Variants in THSD7B observed in about 807,000 individuals in gnomAD.
THSD7B encodes thrombospondin type 1 domain containing 7B.
A neutral mutation model predicts 213.6 loss-of-function variants in THSD7B; 138 were observed. That is an observed-to-expected ratio of 0.65 (90% CI 0.56 to 0.74). The LOEUF is 0.74. Among genes scored for constraint, THSD7B ranks in the 30% least tolerant of loss-of-function variants. The pLI, the probability that THSD7B is intolerant of heterozygous loss-of-function variation, is 0.00. For missense variants in THSD7B, 1,931 were observed against 1,991.5 expected (o/e 0.97, Z 0.58); for synonymous variants, 742 against 687.0 (o/e 1.08, Z -1.25).
intron 2 of THSD7B, among the ~76,000 whole-genome samples, chr2:136,939,228 C>T (rs1196708968): frequency 6.6e-6 from 1 of 152,116 alleles, no homozygotes; most frequent in African/African-American, 2.4e-5. Context: ...AACCAATCAT[C>T]ATGTGAATTT....
chr2:137,233,142 T>C lies in THSD7B; in HGVS notation c.2150+9T>C. On this transcript the variant is annotated intron_variant, in intron 9 of 27. Coordinates refer to ENST00000409968, the MANE Select transcript of THSD7B (RefSeq NM_001316349.2). ...CAAGTAATGACCAAAAGGTATTTAT[T>C]AGGCTGTTACTGAAAATGCATTTGC... is the stretch of plus-strand genomic sequence containing the variant. 6.2e-7 allele frequency: 1 copy of C among 1,605,696 alleles called. No homozygotes were observed. The highest frequency in any genetic ancestry group is 1.1e-5 in the South Asian group (1 of 90,016).
chr2:137,511,171 A>T (rs938813796), intron 15 of THSD7B, among the ~76,000 whole-genome samples: 2 of 151,912 alleles, frequency 1.3e-5, no homozygotes, highest in Admixed American at 1.3e-4. Flanking sequence ...TTTGATCTTT[A>T]TCTGTATTTT....
intron 2 of THSD7B, among the ~76,000 whole-genome samples, chr2:136,952,889 A>G (rs1163903146): frequency 1.3e-5 from 2 of 152,194 alleles, no homozygotes; most frequent in African/African-American, 2.4e-5. Flanking sequence ...GATATTTGCC[A>G]TTAATGGGAA....
chr2:137,313,354 T>G (rs1191412397), intron 12 of THSD7B, among the ~76,000 whole-genome samples: 3 of 152,158 alleles, frequency 2.0e-5, no homozygotes, highest in Non-Finnish European at 1.5e-5. Context: ...GTTTTCCATT[T>G]GCTTGGTAGA....
intron 1 of THSD7B, among the ~76,000 whole-genome samples, chr2:136,817,484 T>TTA (rs1222431179): frequency 2.0e-5 from 3 of 151,678 alleles, no homozygotes; most frequent in African/African-American, 7.3e-5. Context: ...TCTAGGGTTT[T>TTA]TATAGTTTTA....
At chr2:137,321,460 C>G (rs1684263930) in intron 12 of THSD7B, among the ~76,000 whole-genome samples, 1 of 152,174 alleles carries the variant, frequency 6.6e-6, no homozygotes, top group South Asian at 2.1e-4. Flanking sequence ...AATGAGTTGA[C>G]ATATTCTTAT....
At chr2:137,618,576 G>T in intron 19 of THSD7B, 69 bp downstream of exon 19, 2 of 1,372,052 alleles carry the variant, frequency 1.5e-6, no homozygotes, top group South Asian at 2.5e-5. Flanking sequence ...GCAGTTCCAT[G>T]ATGTCCAATA....
intron 2 of THSD7B, among the ~76,000 whole-genome samples, chr2:136,994,492 G>A (rs1183259968): frequency 1.1e-4 from 17 of 152,114 alleles, no homozygotes; most frequent in African/African-American, 1.9e-4. Flanking sequence ...GCATGAACCC[G>A]GGAGGCGGAG....
chr2:137,111,141 T>G (rs995242794), intron 4 of THSD7B, among the ~76,000 whole-genome samples: 1 of 152,248 alleles, frequency 6.6e-6, no homozygotes, highest in Non-Finnish European at 1.5e-5. Context: ...CACAGGGCTC[T>G]CATTATAAAA....
intron 15 of THSD7B, among the ~76,000 whole-genome samples, chr2:137,456,979 T>C (rs1238606834): frequency 6.6e-6 from 1 of 152,186 alleles, no homozygotes; most frequent in African/African-American, 2.4e-5. Flanking sequence ...TGCTCTCAAG[T>C]TGTGGCATTG....
At chr2:137,069,339 T>C (rs1030831284) in intron 3 of THSD7B, among the ~76,000 whole-genome samples, 52 of 152,074 alleles carry the variant, frequency 3.4e-4, no homozygotes, top group African/African-American at 1.2e-3. Flanking sequence ...TCCTTTTTAT[T>C]TTTTTGGAGT....
At chr2:136,792,874 C>A (rs1300968541) in intron 1 of THSD7B, among the ~76,000 whole-genome samples, 1 of 151,904 alleles carries the variant, frequency 6.6e-6, no homozygotes, top group Non-Finnish European at 1.5e-5. Context: ...TTTCTCTTAC[C>A]AGGATGTTTT....
intron 2 of THSD7B, among the ~76,000 whole-genome samples, chr2:137,000,324 C>T (rs565040896): frequency 4.6e-5 from 7 of 152,228 alleles, no homozygotes; most frequent in African/African-American, 1.2e-4. Context: ...TCCTATCACT[C>T]AGAGTTTAAC....
chr2:136,846,816 G>A (rs1045830121), intron 1 of THSD7B, among the ~76,000 whole-genome samples: 1 of 151,960 alleles, frequency 6.6e-6, no homozygotes, highest in African/African-American at 2.4e-5. Context: ...ACAGCATTAG[G>A]ATTTACTAGC....
chr2:137,394,173 C>T (rs1235811156), intron 12 of THSD7B, among the ~76,000 whole-genome samples: 1 of 108,718 alleles, frequency 9.2e-6, no homozygotes, highest in South Asian at 3.8e-4. Flanking sequence ...TAATTAGATC[C>T]CATTTGTCAA....
At chr2:137,533,274 G>C (rs964972447) in intron 15 of THSD7B, among the ~76,000 whole-genome samples, 28 of 151,644 alleles carry the variant, frequency 1.8e-4, no homozygotes, top group Admixed American at 3.9e-4. Context: ...TGCCTCTCCA[G>C]GATTGTTTCC....
intron 3 of THSD7B, among the ~76,000 whole-genome samples, chr2:137,073,406 T>A (rs1347926343): frequency 1.3e-5 from 2 of 152,260 alleles, no homozygotes; most frequent in Non-Finnish European, 2.9e-5. Flanking sequence ...GTGTTTATAG[T>A]ATTCTCTGAT....
chr2:137,198,274 T>C (rs527765962), intron 7 of THSD7B, among the ~76,000 whole-genome samples: 2 of 152,242 alleles, frequency 1.3e-5, no homozygotes, highest in East Asian at 1.9e-4. Flanking sequence ...CCTGCCCTTC[T>C]CCAATTTTGA....
intron 1 of THSD7B, among the ~76,000 whole-genome samples, chr2:136,863,480 G>A (rs1204807759): frequency 6.6e-6 from 1 of 152,220 alleles, no homozygotes; most frequent in Non-Finnish European, 1.5e-5. Context: ...AGAGTCTACA[G>A]CCATACCACC....
Sources: allele counts gnomAD v4.1 joint callset (sites outside exome capture counted in the v4.1 genomes callset), GRCh38; gene constraint gnomAD v4.1.1; transcripts MANE v1.5; gene names NCBI Gene and HGNC (gene_info 2026-07-23, HGNC 2026-07-21).